RRP1: variants seen among roughly 807,000 people sequenced by gnomAD.
The protein encoded by RRP1 is ribosomal RNA processing 1.
In RRP1, 37 loss-of-function variants were observed where a neutral mutation model predicts 54.6. The ratio of observed to expected loss-of-function variants is 0.68; its 90% confidence interval spans 0.52 to 0.89. The LOEUF (loss-of-function observed/expected upper bound fraction) is 0.89. Among genes scored for constraint, RRP1 ranks in the 40% least tolerant of loss-of-function variants. RRP1 has a pLI of 0.00. For missense variants in RRP1, 639 were observed against 612.5 expected, an observed-to-expected ratio of 1.04 and a Z score of -0.46; for synonymous variants, 262 against 244.3, an observed-to-expected ratio of 1.07 and a Z score of -0.67.
intron 10 of RRP1, 32 bp downstream of exon 10, chr21:43,800,646 C>A: frequency 6.3e-7 from 1 of 1,597,038 alleles, no homozygotes; most frequent in Non-Finnish European, 8.6e-7. Context: ...GTCCTCCCTG[C>A]TCCCCTTGGA....
In RRP1 at chr21:43,803,753, G is replaced by T; in HGVS notation, c.1365G>T (p.Lys455Asn). The T allele has an allele frequency of 6.3e-7, 1 of 1,582,308 alleles. No homozygotes were observed. Among genetic ancestry groups the T allele is most frequent in the Non-Finnish European group, 8.6e-7 (1 of 1,162,738 alleles). ...CGGCCAATGTCCAGGAGCCGGAGAAGAAGAAGAAACGCAGGGAGTGATGTG... is the reference window on the plus strand; with the variant it reads ...CGGCCAATGTCCAGGAGCCGGAGAATAAGAAGAAACGCAGGGAGTGATGTG... ...AKAANVQEPEKKKKRRE is the reference protein window; with the variant it reads ...AKAANVQEPENKKKRRE The change falls in exon 13 of 13, where the codon AAG becomes AAT. Residue 455 changes from lysine to asparagine, a missense_variant. Coordinates refer to ENST00000497547, the MANE Select transcript of RRP1 (RefSeq NM_003683.6).
intron 8 of RRP1, among the ~76,000 whole-genome samples, chr21:43,799,181 A>T (rs1383013270): frequency 6.6e-6 from 1 of 152,068 alleles, no homozygotes; most frequent in East Asian, 1.9e-4. Flanking sequence ...CAGCTTCTGG[A>T]CCAGGCCACC....
At position 43,797,513 on chromosome 21, in the gene RRP1, A is replaced by C; in HGVS notation, c.514A>C (p.Ile172Leu). 1 of 1,613,954 alleles carries C rather than the reference A, an allele frequency of 6.2e-7. No homozygotes were observed. The highest frequency in any genetic ancestry group is 1.1e-5 in the South Asian group (1 of 91,080). Residue 172 changes from isoleucine to leucine, a missense_variant, in exon 6 of 13, where the codon ATC (isoleucine) becomes CTC (leucine). By Grantham distance (5) the Ile-to-Leu change is conservative. Coordinates refer to ENST00000497547, the MANE Select transcript of RRP1 (RefSeq NM_003683.6). ...CGGTGTGAAGAGCCACTTCATCGAG[A>C]TCTTCCTGGAGGAGCTGACCAAAGT... Reference protein sequence around the residue: ...PNGVKSHFIEIFLEELTKVGA... With the variant: ...PNGVKSHFIELFLEELTKVGA...
rs2084974056 is a variant in RRP1 at position 43,792,792 on chromosome 21, C to T, written c.274+63C>T. ...TGTCAGAACCTCTGAGCATCAGAGC[C>T]ACCAGACCCAGGAGGTTTGTGTTCT... On this transcript the variant is annotated intron_variant, in intron 3 of 12. Transcript: ENST00000497547. 1.9e-6 allele frequency: 3 copies of T among 1,539,126 alleles called. No individual in the cohort carries two copies. The East Asian group carries it at 6.7e-5, about 35-fold the overall frequency.
intron 11 of RRP1, 82 bp from the exon 12 acceptor site, chr21:43,802,192 C>A: frequency 2.1e-6 from 2 of 967,452 alleles, no homozygotes; most frequent in African/African-American, 1.6e-5. Flanking sequence ...GTGGTGCTGG[C>A]TGGGGCCTGC....
At chr21:43,800,439 G>A in intron 9 of RRP1, 78 bp from the exon 10 acceptor site, 1 of 1,352,252 alleles carries the variant, frequency 7.4e-7, no homozygotes, top group Non-Finnish European at 1.1e-6. Flanking sequence ...GTGCTATCTG[G>A]GTCTCAGGGG....
chr21:43,803,594 G>T lies in RRP1; in HGVS notation c.1206G>T (p.Ala402=). The T allele has an allele frequency of 6.4e-7, 1 of 1,552,088 alleles. No individual in the cohort carries two copies. The highest frequency in any genetic ancestry group is 8.7e-7 in the Non-Finnish European group (1 of 1,148,258). The stretch of plus-strand genomic sequence containing the variant: ...GGGGTGTAGGGGCCGACCCCGAGGC[G>T]CGGGCAGAGGCTGGTGAGCAGCCAG... The part of the protein sequence containing the change: ...RRRGVGADPE[A]RAEAGEQPGT... The change falls in exon 13 of 13, where the codon GCG becomes GCT. Residue 402 remains alanine, a synonymous_variant. Transcript: ENST00000497547.
intron 5 of RRP1, among the ~76,000 whole-genome samples, chr21:43,797,016 C>T (rs145949518): frequency 1.3e-5 from 2 of 152,302 alleles, no homozygotes; most frequent in African/African-American, 2.4e-5. Context: ...GCTGTCCTGA[C>T]GTGTCTTCCC....
At position 43,797,933 on chromosome 21, in the gene RRP1, G is replaced by A. The variant is rs771526495; in HGVS notation, c.644G>A (p.Arg215Gln). 9 of 1,613,954 alleles carry A rather than the reference G, an allele frequency of 5.6e-6. No individual in the cohort carries two copies. The highest frequency in any genetic ancestry group is 5.3e-5 in the African/African-American group (4 of 74,912). ...KDSLVLNNITRGIFETIVEQA... is the reference protein window; with the variant it reads ...KDSLVLNNITQGIFETIVEQA... ...TCCTTGGTTTTGAACAACATCACTC[G>A]AGGCATCTTTGAGACGATTGTGGAG... The change falls in exon 8 of 13, where the codon CGA becomes CAA. Residue 215 changes from arginine to glutamine, a missense_variant. Physicochemically the swap from Arg to Gln is conservative, Grantham distance 43. Transcript: ENST00000497547.
chr21:43,803,929 A>G lies in RRP1; in HGVS notation c.*155A>G, dbSNP rs980385140. On this transcript the variant is annotated 3_prime_UTR_variant, in exon 13 of 13. Coordinates refer to ENST00000497547, the MANE Select transcript of RRP1 (RefSeq NM_003683.6). The stretch of plus-strand genomic sequence containing the variant: ...GCGGCACTGGAGAGATGGGCCCATC[A>G]TTAGGGGCCAGCATCCCAGGAACTG... 26 of 895,774 alleles carry G rather than the reference A, an allele frequency of 2.9e-5. No individual in the cohort carries two copies. The highest frequency in any genetic ancestry group is 3.5e-4 in the Middle Eastern group (1 of 2,820). 55.5% of individuals were successfully genotyped at this position (895,774 alleles called of 1,614,324 possible).
intron 5 of RRP1, among the ~76,000 whole-genome samples, chr21:43,796,136 T>G (rs925557963): frequency 3.5e-4 from 51 of 145,042 alleles, no homozygotes; most frequent in African/African-American, 8.0e-4. Context: ...TGGTTTTTTG[T>G]TTTTTTTTTT....
chr21:43,800,643 C>G, intron 10 of RRP1, 29 bp downstream of exon 10: 1 of 1,604,670 alleles, frequency 6.2e-7, no homozygotes, highest in Non-Finnish European at 8.5e-7. Flanking sequence ...TGCGTCCTCC[C>G]TGCTCCCCTT....
intron 4 of RRP1, among the ~76,000 whole-genome samples, chr21:43,793,926 G>A (rs1048224350): frequency 3.3e-5 from 5 of 152,170 alleles, no homozygotes; most frequent in Admixed American, 1.3e-4. Context: ...GTTGCTGCCC[G>A]GACCTGCTTC....
chr21:43,802,299 A>G lies in RRP1; in HGVS notation c.1035A>G (p.Pro345=), dbSNP rs199952881. Residue 345 remains proline (P), a synonymous_variant, in exon 12 of 13, where the codon CCA becomes CCG. Transcript: ENST00000497547. ...AGGIFPEDEI[P]EKACRRLLEG... ...GCATTTTCCCTGAAGATGAGATCCCAGAGAAGGCCTGCAGGCGCCTGCTTG... is the reference window on the plus strand; with the variant it reads ...GCATTTTCCCTGAAGATGAGATCCCGGAGAAGGCCTGCAGGCGCCTGCTTG... 4.3e-4 allele frequency: 697 copies of G among 1,613,702 alleles called. No individual in the cohort carries two copies. Among genetic ancestry groups the G allele is most frequent in the Non-Finnish European group, 5.4e-4 (638 of 1,179,920 alleles).
Position 43,797,656 on chromosome 21 carries a change from T to G in RRP1, c.578T>G (p.Phe193Cys), listed in dbSNP as rs2123415276. 6.2e-7 allele frequency: 1 copy of G among 1,614,134 alleles called. No homozygotes were observed. The highest frequency in any genetic ancestry group is 1.7e-5 in the Admixed American group (1 of 60,018). The change falls in exon 7 of 13, where the codon TTC becomes TGC. Residue 193 changes from phenylalanine (F) to cysteine (C), a missense_variant. Physicochemically the swap from Phe to Cys is radical, Grantham distance 205. Transcript: ENST00000497547. ...CTTACGGCAGACCAGAACCTGAAGT[T>G]CATCGACCCCTTCTGCAGAATTGCT... is the stretch of plus-strand genomic sequence containing the variant. ...EELTADQNLK[F>C]IDPFCRIAAR...
At chr21:43,795,917 A>G (rs948740477) in intron 5 of RRP1, among the ~76,000 whole-genome samples, 1 of 152,212 alleles carries the variant, frequency 6.6e-6, no homozygotes, top group East Asian at 1.9e-4. Flanking sequence ...CGAGGCGGGC[A>G]GATCACAAGG....
intron 5 of RRP1, 141 bp from the exon 6 acceptor site, chr21:43,797,281 T>G: frequency 1.4e-6 from 2 of 1,410,304 alleles, no homozygotes; most frequent in East Asian, 4.8e-5. Context: ...TGCGTGGACT[T>G]TAAGGCTGGC....
chr21:43,793,417 C>T lies in RRP1; in HGVS notation c.360+13C>T. On this transcript the variant is annotated intron_variant, in intron 4 of 12. Transcript: ENST00000497547. ...TAAATTCTACATGGTGAGGCAGCCACCAGGGTGCCGGCGGGCGGGGGCAGC... is the reference window on the plus strand; with the variant it reads ...TAAATTCTACATGGTGAGGCAGCCATCAGGGTGCCGGCGGGCGGGGGCAGC... 1.9e-6 allele frequency: 3 copies of T among 1,609,568 alleles called. No individual in the cohort carries two copies. Among genetic ancestry groups the T allele is most frequent in the Non-Finnish European group, 8.5e-7 (1 of 1,177,790 alleles).
At chr21:43,794,816 G>A (rs1601868306) in intron 4 of RRP1, among the ~76,000 whole-genome samples, 1 of 152,226 alleles carries the variant, frequency 6.6e-6, no homozygotes, top group African/African-American at 2.4e-5. Flanking sequence ...GGGCTCCACC[G>A]CCCGTGGGGG....
Sources: gnomAD v4.1 joint callset for allele counts (sites outside exome capture counted in the v4.1 genomes callset) on GRCh38, gnomAD v4.1.1 for gene constraint, MANE v1.5 for transcripts, NCBI Gene and HGNC (gene_info 2026-07-23, HGNC 2026-07-21) for gene names.